The following MYLK variants were observed in gnomAD, a reference collection of about 807,000 sequenced individuals.
MYLK encodes myosin light chain kinase, also known as myosin light chain kinase, smooth muscle.
MYLK carries 106 observed loss-of-function variants against 203.4 expected under a neutral mutation model. The observed-to-expected ratio is 0.52, with a 90% CI of 0.45 to 0.61. The LOEUF (loss-of-function observed/expected upper bound fraction) is 0.61, where lower values mean the gene tolerates loss of function less well. MYLK is among the 20% of genes least tolerant of loss of function. MYLK has a pLI of 0.00. For missense variants in MYLK, 2,072 were observed against 2,442.3 expected, an observed-to-expected ratio of 0.85 and a Z score of 3.20; for synonymous variants, 867 against 959.5, an observed-to-expected ratio of 0.90 and a Z score of 1.78.
intron 13 of MYLK, among the ~76,000 whole-genome samples, chr3:123,713,892 T>C (rs1322960534): frequency 6.6e-6 from 1 of 152,162 alleles, no homozygotes; most frequent in Non-Finnish European, 1.5e-5. Flanking sequence ...CATGGTAATA[T>C]TGCAGGGTTT....
Position 123,630,607 on chromosome 3 carries a change from C to G in MYLK, c.4962-981G>C, listed in dbSNP as rs533162541. On this transcript the variant is annotated intron_variant, in intron 29 of 33. Transcript: ENST00000360304. ...AGAGCCTGTCCTCTTAAATGCTATA[C>G]TATCCTAACATTTCTGTAAAGATGA... The G allele has an allele frequency of 2.0e-5, 3 of 152,364 alleles. No homozygotes were observed. The South Asian group carries it at 6.2e-4, about 32-fold the overall frequency. The allele number at this position is 152,364 out of a possible 1,614,324, so 9.4% of individuals were successfully genotyped here.
intron 5 of MYLK, among the ~76,000 whole-genome samples, chr3:123,748,325 A>G (rs1383488526): frequency 1.3e-5 from 2 of 152,256 alleles, no homozygotes; most frequent in Non-Finnish European, 2.9e-5. Context: ...ACCTCCCACC[A>G]GGCCCTACCT....
intron 7 of MYLK, among the ~76,000 whole-genome samples, chr3:123,738,583 C>T (rs2062756924): frequency 6.6e-6 from 1 of 152,112 alleles, no homozygotes. Flanking sequence ...GGGAGGGACC[C>T]AGTGGGAGGT....
At chr3:123,713,781 G>T (rs1457295481) in intron 13 of MYLK, among the ~76,000 whole-genome samples, 2 of 152,142 alleles carry the variant, frequency 1.3e-5, no homozygotes, top group Non-Finnish European at 2.9e-5. Flanking sequence ...CTGGCTGTGT[G>T]ATCTGAAGCA....
In MYLK at chr3:123,735,413, A is replaced by G; in HGVS notation, c.758T>C (p.Leu253Ser). The G allele has an allele frequency of 6.2e-7, 1 of 1,614,192 alleles. No homozygotes were observed. Among genetic ancestry groups the G allele is most frequent in the Non-Finnish European group, 8.5e-7 (1 of 1,180,008 alleles). ...CTAGACATACCTATTGGCACTGTCC[A>G]AACCTGGAAAAAGGGGGAAGGGTGG... ...SMSAELSIQG[L>S]DSANRSFVRE... The change falls in exon 9 of 34, where the codon TTG becomes TCG. Residue 253 changes from leucine (L) to serine (S), a missense_variant. This residue lies in a region of MYLK where 683 missense variants were observed against 643.8 expected (regional missense o/e 1.06). Transcript: ENST00000360304.
intron 18 of MYLK, 88 bp from the exon 19 acceptor site, chr3:123,692,939 C>T (rs1353402953): frequency 7.5e-5 from 86 of 1,153,296 alleles, no homozygotes; most frequent in South Asian, 6.3e-4. Flanking sequence ...GTTACTCGCA[C>T]GGGCAGCCTC....
At chr3:123,682,180 C>T in intron 20 of MYLK, 44 bp downstream of exon 20, 2 of 1,508,838 alleles carry the variant, frequency 1.3e-6, no homozygotes, top group Non-Finnish European at 9.1e-7. Context: ...GGGGTGCCTG[C>T]CCCTGCCTCT....
intron 4 of MYLK, among the ~76,000 whole-genome samples, chr3:123,755,246 T>C (rs967680920): frequency 1.3e-5 from 2 of 152,192 alleles, no homozygotes; most frequent in Non-Finnish European, 2.9e-5. Flanking sequence ...TTAGCAAGCA[T>C]ACTGGCCCCC....
At chr3:123,831,250 C>T (rs775198198) in intron 3 of MYLK, 44 of 627,854 alleles carry the variant, frequency 7.0e-5, no homozygotes, top group Non-Finnish European at 1.0e-4. Context: ...CAGTTTCTAG[C>T]AGCAGCCAGG....
At chr3:123,698,817 G>A (rs1327154840) in intron 18 of MYLK, 2 of 152,958 alleles carry the variant, frequency 1.3e-5, no homozygotes, top group African/African-American at 2.4e-5. Flanking sequence ...ACCGGGGGCT[G>A]AGAGGGATTC....
At chr3:123,792,892 C>A (rs1175221795) in intron 4 of MYLK, among the ~76,000 whole-genome samples, 1 of 152,176 alleles carries the variant, frequency 6.6e-6, no homozygotes, top group Non-Finnish European at 1.5e-5. Flanking sequence ...GCACAGCATG[C>A]AATTCAGTAC....
chr3:123,750,804 G>T (rs1415448082), intron 5 of MYLK, among the ~76,000 whole-genome samples: 1 of 152,196 alleles, frequency 6.6e-6, no homozygotes, highest in Non-Finnish European at 1.5e-5. Flanking sequence ...GCAGAGCTGA[G>T]GTCCATCCTG....
intron 14 of MYLK, chr3:123,709,106 C>A: frequency 2.4e-6 from 1 of 411,132 alleles, no homozygotes; most frequent in Non-Finnish European, 4.3e-6. Context: ...CTGAGAACAT[C>A]TTCTGAGATT....
intron 4 of MYLK, among the ~76,000 whole-genome samples, chr3:123,772,949 C>T (rs1383483411): frequency 6.6e-6 from 1 of 151,798 alleles, no homozygotes; most frequent in Non-Finnish European, 1.5e-5. Context: ...TAATGTTGAC[C>T]TTATAAGGCT....
At chr3:123,749,321 T>G (rs1404252203) in intron 5 of MYLK, among the ~76,000 whole-genome samples, 1 of 151,696 alleles carries the variant, frequency 6.6e-6, no homozygotes, top group Non-Finnish European at 1.5e-5. Flanking sequence ...ACATTAAATC[T>G]CTACAGGACA....
chr3:123,808,808 T>A (rs1215717612), intron 3 of MYLK, among the ~76,000 whole-genome samples: 1 of 152,232 alleles, frequency 6.6e-6, no homozygotes, highest in Non-Finnish European at 1.5e-5. Context: ...TCAAAGTAAT[T>A]CTATAAGATA....
At chr3:123,865,369 C>T (rs1386202866) in intron 2 of MYLK, among the ~76,000 whole-genome samples, 1 of 152,208 alleles carries the variant, frequency 6.6e-6, no homozygotes, top group Admixed American at 6.5e-5. Flanking sequence ...TCCTAACCCA[C>T]AGCTTTCAGC....
intron 18 of MYLK, chr3:123,693,698 G>C (rs1433691906): frequency 6.6e-6 from 1 of 152,426 alleles, no homozygotes. Context: ...CCTGGCCCCT[G>C]CCAGCTCTCT....
chr3:123,762,468 C>G (rs1270211026), intron 4 of MYLK, among the ~76,000 whole-genome samples: 1 of 152,178 alleles, frequency 6.6e-6, no homozygotes, highest in East Asian at 1.9e-4. Flanking sequence ...TGGGCTCAAG[C>G]AATCCACCCA....
Sources: allele counts gnomAD v4.1 joint callset (sites outside exome capture counted in the v4.1 genomes callset), GRCh38; gene constraint gnomAD v4.1.1; regional missense constraint gnomAD v4.1.1; transcripts MANE v1.5; gene names NCBI Gene and HGNC (gene_info 2026-07-23, HGNC 2026-07-21).